GRIK2: variants seen among roughly 807,000 people sequenced by gnomAD.
The protein encoded by GRIK2 is glutamate ionotropic receptor kainate type subunit 2.
GRIK2 carries 32 observed loss-of-function variants against 100.3 expected under a neutral mutation model. The observed-to-expected ratio is 0.32, with a 90% CI of 0.24 to 0.43. The LOEUF (loss-of-function observed/expected upper bound fraction) is 0.43, where lower values mean the gene tolerates loss of function less well. Ranked by LOEUF, GRIK2 falls within the 20% of genes least tolerant of loss-of-function variation. The pLI, the probability that GRIK2 is intolerant of heterozygous loss-of-function variation, is 1.00. For synonymous variants in GRIK2, 417 were observed against 389.4 expected (o/e 1.07, Z -0.83); for missense variants, 843 against 1,114.9 (o/e 0.76, Z 3.47).
chr6:101,651,404 T>C (rs1486736362), intron 4 of GRIK2, among the ~76,000 whole-genome samples: 1 of 152,168 alleles, frequency 6.6e-6, no homozygotes, highest in Non-Finnish European at 1.5e-5. Flanking sequence ...TCACTTGCAA[T>C]ACAGCCAAGA....
chr6:101,859,136 C>A, intron 10 of GRIK2, 151 bp from the exon 11 acceptor site: 1 of 562,788 alleles, frequency 1.8e-6, no homozygotes, highest in South Asian at 2.5e-5. Flanking sequence ...TTTTAATATT[C>A]TAGACTTCAT....
intron 14 of GRIK2, among the ~76,000 whole-genome samples, chr6:102,001,894 A>C (rs1016787662): frequency 6.6e-6 from 1 of 151,598 alleles, no homozygotes; most frequent in Non-Finnish European, 1.5e-5. Context: ...CTTTCTGTTA[A>C]TTTGATTGCT....
At chr6:102,019,982 C>G (rs1358104761) in intron 14 of GRIK2, among the ~76,000 whole-genome samples, 2 of 151,828 alleles carry the variant, frequency 1.3e-5, no homozygotes, top group Non-Finnish European at 2.9e-5. Flanking sequence ...CAGACAGATG[C>G]AGCATTTTTA....
At chr6:101,911,824 T>C (rs1026817989) in intron 12 of GRIK2, among the ~76,000 whole-genome samples, 1 of 151,422 alleles carries the variant, frequency 6.6e-6, no homozygotes, top group African/African-American at 2.4e-5. Context: ...TATTACACAA[T>C]AATACACACA....
intron 12 of GRIK2, among the ~76,000 whole-genome samples, chr6:101,910,655 C>G (rs1562481894): frequency 6.6e-6 from 1 of 151,144 alleles, no homozygotes; most frequent in Non-Finnish European, 1.5e-5. Flanking sequence ...CAGGTGTATT[C>G]TCTGTTTTTT....
At chr6:101,948,495 A>G (rs1440744889) in intron 14 of GRIK2, among the ~76,000 whole-genome samples, 1 of 148,170 alleles carries the variant, frequency 6.7e-6, no homozygotes, top group Non-Finnish European at 1.5e-5. Context: ...ATAGTTATAC[A>G]TAATATAGTT....
intron 2 of GRIK2, among the ~76,000 whole-genome samples, chr6:101,461,379 T>C (rs1442079868): frequency 6.6e-6 from 1 of 152,186 alleles, no homozygotes; most frequent in African/African-American, 2.4e-5. Context: ...TTCATCGTGG[T>C]TGTAGTATTG....
chr6:101,708,435 C>A (rs1189682479), intron 7 of GRIK2, among the ~76,000 whole-genome samples: 1 of 151,536 alleles, frequency 6.6e-6, no homozygotes, highest in South Asian at 2.1e-4. Flanking sequence ...TTCAAAGATA[C>A]TTCTGTTAGT....
intron 7 of GRIK2, among the ~76,000 whole-genome samples, chr6:101,765,880 TACTTAA>T (rs1778017013): frequency 6.6e-6 from 1 of 152,182 alleles, no homozygotes; most frequent in Admixed American, 6.6e-5. Flanking sequence ...CTTATACATC[TACTTAA>T]ACTTAATTTC....
chr6:101,973,624 T>G (rs1793191863), intron 14 of GRIK2, among the ~76,000 whole-genome samples: 1 of 151,910 alleles, frequency 6.6e-6, no homozygotes, highest in Non-Finnish European at 1.5e-5. Context: ...CTACCAATTA[T>G]AAGATTGTTT....
At chr6:101,719,021 T>C (rs1774263880) in intron 7 of GRIK2, among the ~76,000 whole-genome samples, 1 of 151,924 alleles carries the variant, frequency 6.6e-6, no homozygotes, top group African/African-American at 2.4e-5. Flanking sequence ...ATCTTCTCTT[T>C]CTCAAATCCA....
At chr6:101,867,138 A>T (rs1275681451) in intron 11 of GRIK2, among the ~76,000 whole-genome samples, 1 of 151,970 alleles carries the variant, frequency 6.6e-6, no homozygotes, top group Admixed American at 6.6e-5. Flanking sequence ...GTCCATACTG[A>T]TTGGACCTCA....
intron 2 of GRIK2, among the ~76,000 whole-genome samples, chr6:101,520,126 A>G (rs1297001197): frequency 6.6e-6 from 1 of 151,670 alleles, no homozygotes; most frequent in Non-Finnish European, 1.5e-5. Flanking sequence ...TAAACTGTAA[A>G]TAATGATAGT....
chr6:101,853,217 T>C (rs934564727), intron 10 of GRIK2, among the ~76,000 whole-genome samples: 4 of 152,318 alleles, frequency 2.6e-5, no homozygotes, highest in African/African-American at 9.6e-5. Context: ...GTTGCCTCTT[T>C]TAGTTGTTCT....
intron 10 of GRIK2, 44 bp downstream of exon 10, chr6:101,818,527 A>G (rs755394921): frequency 2.0e-6 from 2 of 1,020,456 alleles, no homozygotes; most frequent in South Asian, 1.3e-5. Context: ...ATGTAGATGA[A>G]CACAGAAGTG....
intron 2 of GRIK2, among the ~76,000 whole-genome samples, chr6:101,619,538 A>T (rs1780046466): frequency 6.6e-6 from 1 of 151,946 alleles, no homozygotes; most frequent in Non-Finnish European, 1.5e-5. Flanking sequence ...ATAAAATATG[A>T]TCTTTATTGC....
chr6:101,426,315 C>T (rs1429608474), intron 2 of GRIK2, among the ~76,000 whole-genome samples: 1 of 152,224 alleles, frequency 6.6e-6, no homozygotes, highest in Non-Finnish European at 1.5e-5. Context: ...AGTACTTAAC[C>T]AACATGGTTA....
Position 101,899,101 on chromosome 6 carries a change from TG to T in GRIK2, c.1748+9239del, listed in dbSNP as rs376232608. On this transcript the variant is annotated intron_variant, in intron 12 of 16. Transcript: ENST00000369134. ...GAGAGAGGTTTCTTTTTGTTGTTTT[TG>T]TTTTTTTTTTTTTTAAGAAAAAATA... Among the ~76,000 whole-genome samples the T allele has an allele frequency of 4.7e-4, 70 of 148,024 alleles. 2 individuals carry two copies. The highest frequency in any genetic ancestry group is 6.0e-4 in the Admixed American group (9 of 14,998).
At chr6:101,960,439 C>T (rs1792225846) in intron 14 of GRIK2, among the ~76,000 whole-genome samples, 1 of 152,016 alleles carries the variant, frequency 6.6e-6, no homozygotes, top group Non-Finnish European at 1.5e-5. Flanking sequence ...ATGTTAGTTC[C>T]TTCTCATCCT....
Sources: allele counts gnomAD v4.1 joint callset (sites outside exome capture counted in the v4.1 genomes callset), GRCh38; gene constraint gnomAD v4.1.1; transcripts MANE v1.5; gene names NCBI Gene and HGNC (gene_info 2026-07-23, HGNC 2026-07-21).